ACACB: variants seen among roughly 807,000 people sequenced by gnomAD.
ACACB encodes the protein acetyl-CoA carboxylase 2.
Under a neutral mutation model 278.8 loss-of-function variants are expected in ACACB, and 209 were observed. The ratio of observed to expected loss-of-function variants is 0.75; its 90% CI spans 0.67 to 0.84. The LOEUF (loss-of-function observed/expected upper bound fraction) is 0.84, where lower values mean the gene tolerates loss of function less well. ACACB is among the 40% of genes least tolerant of loss of function. The pLI is 0.00. For synonymous variants in ACACB, 1,174 were observed against 1,285.6 expected (o/e 0.91, Z 1.86); for missense variants, 2,850 against 3,269.0 (o/e 0.87, Z 3.13).
chr12:109,261,880 CAAAA>C (rs757106164), intron 48 of ACACB, among the ~76,000 whole-genome samples: 3 of 86,118 alleles, frequency 3.5e-5, no homozygotes, highest in East Asian at 3.3e-4. Context: ...AAAAAAAAAA[CAAAA>C]AAAAAAAAAA....
intron 24 of ACACB, among the ~76,000 whole-genome samples, chr12:109,219,901 G>T (rs1461622130): frequency 1.3e-5 from 2 of 152,140 alleles, no homozygotes; most frequent in South Asian, 4.1e-4. Flanking sequence ...TCCACTCTTT[G>T]GGGGGAGTTC....
chr12:109,242,761 G>A (rs572209869), intron 37 of ACACB, 169 bp downstream of exon 37: 2 of 735,010 alleles, frequency 2.7e-6, no homozygotes, highest in South Asian at 2.2e-5. Context: ...GCCGAGGAGG[G>A]AGGATTGCTT....
chr12:109,210,256 TGTGTGTATATGTA>T (rs2045744880), intron 21 of ACACB, among the ~76,000 whole-genome samples: 1 of 6,714 alleles, frequency 1.5e-4, no homozygotes, highest in African/African-American at 3.8e-4. Flanking sequence ...TATACACACA[TGTGTGTATATGTA>T]CATATACACA....
At chr12:109,188,514 CTCCTTCTTTCCTTCCT>C (rs925130307) in intron 13 of ACACB, among the ~76,000 whole-genome samples, 9 of 146,758 alleles carry the variant, frequency 6.1e-5, no homozygotes, top group African/African-American at 1.5e-4. Context: ...CCCTTTCTTC[CTCCTTCTTTCCTTCCT>C]TCCTTCTTTC....
chr12:109,112,187 T>C (rs2042310538), upstream of ACACB, among the ~76,000 whole-genome samples: 2 of 146,530 alleles, frequency 1.4e-5, no homozygotes, highest in Non-Finnish European at 3.0e-5. Context: ...TACATTTCTA[T>C]ATAATATATA....
At chr12:109,171,540 G>T (rs546807908) in intron 4 of ACACB, among the ~76,000 whole-genome samples, 2 of 151,146 alleles carry the variant, frequency 1.3e-5, no homozygotes, top group East Asian at 3.9e-4. Context: ...AGTAGAGACA[G>T]AATTTCACCA....
intron 9 of ACACB, 36 bp from the exon 10 acceptor site, chr12:109,179,052 C>A (rs773817653): frequency 6.3e-7 from 1 of 1,592,428 alleles, no homozygotes; most frequent in South Asian, 1.1e-5. Flanking sequence ...AGCTGGTTTC[C>A]CCATGAAGAT....
At chr12:109,208,936 A>T (rs2045598974) in intron 20 of ACACB, among the ~76,000 whole-genome samples, 1 of 152,140 alleles carries the variant, frequency 6.6e-6, no homozygotes, top group African/African-American at 2.4e-5. Context: ...TGGCTTTCTG[A>T]TGCACAGAGA....
chr12:109,237,140 T>C (rs1488339402), intron 33 of ACACB, 25 bp from the exon 34 acceptor site: 2 of 1,613,022 alleles, frequency 1.2e-6, no homozygotes, highest in Admixed American at 1.7e-5. Flanking sequence ...TATGTGTCTG[T>C]CTTCTCTCTC....
Position 109,176,207 on chromosome 12 carries a change from GGGAAGGGAATCC to G in ACACB, c.1388_1399del (p.Gly463_Lys466del). The G allele has an allele frequency of 6.2e-7, 1 of 1,614,210 alleles. No homozygotes were observed. Among genetic ancestry groups the G allele is most frequent in the Non-Finnish European group, 8.5e-7 (1 of 1,180,038 alleles). On this transcript the variant is annotated inframe_deletion, in exon 9 of 53. Transcript: ENST00000338432. ...GATCAAAGCTTCTGAAGGTGGCGGA[GGGAAGGGAATCC>G]GGAAGGCTGAGAGTGCGGAGGACTT...
At chr12:109,255,130 G>A (rs575301920) in intron 44 of ACACB, among the ~76,000 whole-genome samples, 19 of 152,062 alleles carry the variant, frequency 1.2e-4, no homozygotes, top group African/African-American at 4.3e-4. Context: ...ACGTGGACAC[G>A]TGAACACACA....
chr12:109,204,616 T>C (rs2136354180), intron 19 of ACACB, among the ~76,000 whole-genome samples: 1 of 152,118 alleles, frequency 6.6e-6, no homozygotes, highest in East Asian at 1.9e-4. Context: ...TGGATTTTTG[T>C]ACCCGTTAAC....
At chr12:109,257,666 G>A (rs1433854838) in intron 45 of ACACB, among the ~76,000 whole-genome samples, 1 of 152,104 alleles carries the variant, frequency 6.6e-6, no homozygotes, top group Non-Finnish European at 1.5e-5. Flanking sequence ...GACCTCCTGG[G>A]CTCAAGCAAT....
rs1471923163 is a variant in ACACB at position 109,242,341 on chromosome 12, C to T, written c.5023-96C>T. 7.9e-6 allele frequency: 11 copies of T among 1,391,840 alleles called. No individual in the cohort carries two copies. In the Admixed American group the frequency reaches 2.0e-4, roughly 26 times the overall value. The allele number at this position is 1,391,840 out of a possible 1,614,324, so 86.2% of individuals were successfully genotyped here. The stretch of plus-strand genomic sequence containing the variant: ...TCATGCCATGTGACATGCTTTGCTT[C>T]CCCCACCTGCATTTTCATTGAGGAC... On this transcript the variant is annotated intron_variant, in intron 36 of 52. Coordinates refer to ENST00000338432, the MANE Select transcript of ACACB (RefSeq NM_001093.4).
intron 6 of ACACB, 35 bp downstream of exon 6, chr12:109,172,391 G>A: frequency 1.3e-6 from 2 of 1,589,780 alleles, no homozygotes; most frequent in Non-Finnish European, 1.7e-6. Flanking sequence ...ATGGGAATTG[G>A]GGTATTGCTG....
At position 109,172,362 on chromosome 12, in the gene ACACB, G is replaced by C; in HGVS notation, c.1117+6G>C. The C allele has an allele frequency of 1.9e-6, 3 of 1,614,026 alleles. No individual in the cohort carries two copies. The highest frequency in any genetic ancestry group is 2.5e-6 in the Non-Finnish European group (3 of 1,179,910). On this transcript the variant is annotated splice_donor_region_variant and intron_variant, in intron 6 of 52. Coordinates refer to ENST00000338432, the MANE Select transcript of ACACB (RefSeq NM_001093.4). ...GAATGGAGTTGCTTTCTTAGGTAGA[G>C]TGTGTCCCCATCAGATACATGGGAA...
chr12:109,171,640 A>G (rs911469401), intron 4 of ACACB, among the ~76,000 whole-genome samples, 165 bp from the exon 5 acceptor site: 1 of 152,056 alleles, frequency 6.6e-6, no homozygotes, highest in African/African-American at 2.4e-5. Context: ...GTGAGCCACC[A>G]CGCCTGGCCT....
At chr12:109,264,672 C>G (rs2047467710) in intron 50 of ACACB, among the ~76,000 whole-genome samples, 2 of 152,160 alleles carry the variant, frequency 1.3e-5, no homozygotes, top group South Asian at 4.1e-4. Flanking sequence ...TCTGATGGCT[C>G]GGTCAGTTTG....
chr12:109,254,750 T>G (rs2047181152), intron 44 of ACACB, among the ~76,000 whole-genome samples: 1 of 152,096 alleles, frequency 6.6e-6, no homozygotes, highest in Admixed American at 6.5e-5. Flanking sequence ...CTCTGTGAGT[T>G]TACACAGGAT....
Sources: allele counts gnomAD v4.1 joint callset (sites outside exome capture counted in the v4.1 genomes callset), GRCh38; gene constraint gnomAD v4.1.1; transcripts MANE v1.5; gene names NCBI Gene and HGNC (gene_info 2026-07-23, HGNC 2026-07-21).